TMEM218: variants seen among roughly 807,000 people sequenced by gnomAD.
TMEM218 encodes the protein transmembrane protein 218.
Under a neutral mutation model 10.0 loss-of-function variants are expected in TMEM218, and 8 were observed. The observed-to-expected ratio is 0.80, with a 90% confidence interval of 0.47 to 1.44. TMEM218 has a LOEUF of 1.44. Among genes scored for constraint, TMEM218 ranks in the 40% most tolerant of loss-of-function variants. The pLI is 0.00. For synonymous variants in TMEM218, 66 were observed against 63.5 expected, an observed-to-expected ratio of 1.04 and a Z score of -0.18; for missense variants, 110 against 140.1, an observed-to-expected ratio of 0.79 and a Z score of 1.08.
rs76063540 is a variant in TMEM218, at chr11:125,111,547, C to A, written c.-161G>T. On this transcript the variant is annotated 5_prime_UTR_variant, in exon 1 of 5. Transcript: ENST00000682305. ...CGCCCCGCTTTCCTCACCTCTGCCC[C>A]CTTCACCTGGATCCACTCTCCCCCA... The A allele has an allele frequency of 5.2e-5, 8 of 152,666 alleles. No individual in the cohort carries two copies. The highest frequency in any genetic ancestry group is 1.2e-4 in the African/African-American group (5 of 41,460). The allele number at this position is 152,666 out of a possible 1,614,324, so 9.5% of individuals were successfully genotyped here.
rs943109606 is a variant in TMEM218 at position 125,102,298 on chromosome 11, C to T, written c.-57G>A. The stretch of plus-strand genomic sequence containing the variant: ...TGCGCGCCGCACGATCGAGTGTCCT[C>T]TGTGCTCCAGTGCAACACACTCCCG... On this transcript the variant is annotated 5_prime_UTR_variant, in exon 3 of 5. Coordinates refer to ENST00000682305, the MANE Select transcript of TMEM218 (RefSeq NM_001258244.2). 2.5e-6 allele frequency: 4 copies of T among 1,587,002 alleles called. No homozygotes were observed. Among genetic ancestry groups the T allele is most frequent in the Non-Finnish European group, 2.6e-6 (3 of 1,168,092 alleles).
intron 4 of TMEM218, among the ~76,000 whole-genome samples, chr11:125,099,938 A>G (rs1430282247): frequency 2.7e-5 from 4 of 150,732 alleles, no homozygotes; most frequent in African/African-American, 9.9e-5. Flanking sequence ...AAAAAAAAAA[A>G]AAAAGATAAG....
At chr11:125,100,847 C>T (rs1183367558) in intron 4 of TMEM218, among the ~76,000 whole-genome samples, 1 of 152,180 alleles carries the variant, frequency 6.6e-6, no homozygotes, top group Non-Finnish European at 1.5e-5. Context: ...CACTTCATCT[C>T]GGGTGCAGGC....
chr11:125,111,384 C>T (rs1953969934), intron 1 of TMEM218, among the ~76,000 whole-genome samples, 155 bp downstream of exon 1: 2 of 152,054 alleles, frequency 1.3e-5, no homozygotes, highest in Non-Finnish European at 2.9e-5. Flanking sequence ...TCTCTGCCTC[C>T]AATTAAGTAT....
Position 125,111,575 on chromosome 11 carries a change from C to T in TMEM218, c.-189G>A, listed in dbSNP as rs1954046196. On this transcript the variant is annotated 5_prime_UTR_variant, in exon 1 of 5. Transcript: ENST00000682305. Reference sequence around the variant, plus strand: ...TCACCTGGATCCACTCTCCCCCAGGCTCTACTCACACCTCAGATTCCGGCG... The same window carrying T: ...TCACCTGGATCCACTCTCCCCCAGGTTCTACTCACACCTCAGATTCCGGCG... 5 of 152,688 alleles carry T rather than the reference C, an allele frequency of 3.3e-5. No homozygotes were observed. Among genetic ancestry groups the T allele is most frequent in the Admixed American group, 1.3e-4 (2 of 15,296 alleles). 9.5% of individuals were successfully genotyped at this position (152,688 alleles called of 1,614,324 possible).
chr11:125,107,537 AGAT>A (rs888286922), intron 1 of TMEM218, among the ~76,000 whole-genome samples: 4 of 152,154 alleles, frequency 2.6e-5, no homozygotes, highest in Non-Finnish European at 4.4e-5. Flanking sequence ...ACTATTAAAA[AGAT>A]GATATTATTA....
At position 125,102,298 on chromosome 11, in the gene TMEM218, C is replaced by G. The variant is rs943109606; in HGVS notation, c.-57G>C. The G allele has an allele frequency of 8.8e-6, 14 of 1,586,884 alleles. No individual in the cohort carries two copies. In the African/African-American group the frequency reaches 1.7e-4, roughly 20 times the overall value. The stretch of plus-strand genomic sequence containing the variant: ...TGCGCGCCGCACGATCGAGTGTCCT[C>G]TGTGCTCCAGTGCAACACACTCCCG... On this transcript the variant is annotated 5_prime_UTR_variant, in exon 3 of 5. Coordinates refer to ENST00000682305, the MANE Select transcript of TMEM218 (RefSeq NM_001258244.2).
At position 125,102,233 on chromosome 11, in the gene TMEM218, G is replaced by T; in HGVS notation, c.9C>A (p.Gly3=). 1 of 1,612,916 alleles carries T rather than the reference G, an allele frequency of 6.2e-7. No individual in the cohort carries two copies. Among genetic ancestry groups the T allele is most frequent in the African/African-American group, 1.3e-5 (1 of 74,994 alleles). MA[G]TVLGVGAGVF... ...CGCCCGCACCGACTCCGAGCACAGT[G>T]CCAGCCATCCCGCGGGGAGGCAGCG... Residue 3 remains glycine, a synonymous_variant, in exon 3 of 5, where the codon GGC becomes GGA. Transcript: ENST00000682305.
rs377432538 is a variant in TMEM218 at position 125,101,210 on chromosome 11, C to T, written c.204G>A (p.Val68=). The T allele has an allele frequency of 2.5e-6, 4 of 1,613,280 alleles. No homozygotes were observed. The African/African-American group carries it at 4.0e-5, about 16-fold the overall frequency. ...PRAGEFPAPE[V]EVKIVDDFFI... ...AAAGCAACAGCTTTACCTTAACTTC[C>T]ACTTCTGGGGCTGGGAATTCACCAG... The change falls in exon 4 of 5, where the codon GTG becomes GTA. Residue 68 remains valine, a synonymous_variant. Coordinates refer to ENST00000682305, the MANE Select transcript of TMEM218 (RefSeq NM_001258244.2).
Position 125,108,515 on chromosome 11 carries a change from A to T in TMEM218, c.-153+3024T>A, listed in dbSNP as rs1025795659. ...TACAGTAGTCAGATGCTTGCACCTAAACTTAGAATCACCATGAATGCAAAA... is the reference window on the plus strand; with the variant it reads ...TACAGTAGTCAGATGCTTGCACCTATACTTAGAATCACCATGAATGCAAAA... On this transcript the variant is annotated intron_variant, in intron 1 of 4. Transcript: ENST00000682305. The surrounding 1 kb of genome is among the most constrained non-coding windows in gnomAD (Gnocchi z 5.3). 6.6e-6 allele frequency among the ~76,000 whole-genome samples: 1 copy of T among 152,212 alleles called. No homozygotes were observed. The highest frequency in any genetic ancestry group is 2.4e-5 in the African/African-American group (1 of 41,454).
chr11:125,099,957 G>C (rs1194987863), intron 4 of TMEM218, among the ~76,000 whole-genome samples: 1 of 150,726 alleles, frequency 6.6e-6, no homozygotes, highest in East Asian at 1.9e-4. Flanking sequence ...AGTGAGGTGT[G>C]AATTTGCCCC....
chr11:125,095,535 GAAAT>G lies in TMEM218; in HGVS notation c.*2067_*2070del, dbSNP rs1949539473. 6.6e-6 allele frequency among the ~76,000 whole-genome samples: 1 copy of G among 152,076 alleles called. No individual in the cohort carries two copies. Among genetic ancestry groups the G allele is most frequent in the African/African-American group, 2.4e-5 (1 of 41,416 alleles). On this transcript the variant is annotated 3_prime_UTR_variant, in exon 5 of 5. Transcript: ENST00000682305. ...ACTGCATTGAGTATGCAGGTAGAAAGAAATCTATCATTCATTTCACCACAGCTGG... is the reference window on the plus strand; with the variant it reads ...ACTGCATTGAGTATGCAGGTAGAAAGCTATCATTCATTTCACCACAGCTGG...
rs1341960887 is a variant in TMEM218 at position 125,095,384 on chromosome 11, G to A, written c.*2222C>T. On this transcript the variant is annotated 3_prime_UTR_variant, in exon 5 of 5. Coordinates refer to ENST00000682305, the MANE Select transcript of TMEM218 (RefSeq NM_001258244.2). The stretch of plus-strand genomic sequence containing the variant: ...AGCCCTGTCTCCAAGAAGGCCATGA[G>A]CATACAGGGTACCATAACAGACATT... Among the ~76,000 whole-genome samples the A allele has an allele frequency of 1.3e-5, 2 of 152,202 alleles. No homozygotes were observed. The highest frequency in any genetic ancestry group is 4.1e-4 in the South Asian group (2 of 4,832).
chr11:125,105,343 A>G (rs1404702401), intron 1 of TMEM218, among the ~76,000 whole-genome samples: 1 of 152,148 alleles, frequency 6.6e-6, no homozygotes, highest in Non-Finnish European at 1.5e-5. Flanking sequence ...GGCATGCAAG[A>G]CTCCCTCAAG....
chr11:125,101,370 G>A, intron 3 of TMEM218, 67 bp from the exon 4 acceptor site: 1 of 1,538,918 alleles, frequency 6.5e-7, no homozygotes, highest in Non-Finnish European at 8.8e-7. Flanking sequence ...GTTAGGTCTG[G>A]ACAGTCTCTT....
chr11:125,101,368 T>C lies in TMEM218; in HGVS notation c.111-65A>G, dbSNP rs147152217. The C allele has an allele frequency of 2.0e-4, 311 of 1,543,502 alleles. No individual in the cohort carries two copies. In the East Asian group the frequency reaches 6.0e-3, roughly 30 times the overall value. On this transcript the variant is annotated intron_variant, in intron 3 of 4. Coordinates refer to ENST00000682305, the MANE Select transcript of TMEM218 (RefSeq NM_001258244.2). ...AATTTCTTCTTTGATCAGTTAGGTC[T>C]GGACAGTCTCTTCCTTGGAGCCAAT...
rs1331468798 is a variant in TMEM218, at chr11:125,102,088, C to T, written c.110+44G>A. On this transcript the variant is annotated intron_variant, in intron 3 of 4. Transcript: ENST00000682305. ...TTAGTGAGCATCAGCGATTTTGCCTCTAATTGCTTTACCTAGGACTCCCAG... is the reference window on the plus strand; with the variant it reads ...TTAGTGAGCATCAGCGATTTTGCCTTTAATTGCTTTACCTAGGACTCCCAG... The T allele has an allele frequency of 2.0e-6, 3 of 1,487,194 alleles. 1 individual carries two copies. The allele number at this position is 1,487,194 out of a possible 1,614,324, so 92.1% of individuals were successfully genotyped here.
rs186296789 is a variant in TMEM218 at position 125,108,972 on chromosome 11, C to T, written c.-153+2567G>A. 3.3e-5 allele frequency among the ~76,000 whole-genome samples: 5 copies of T among 152,250 alleles called. No homozygotes were observed. Among genetic ancestry groups the T allele is most frequent in the African/African-American group, 4.8e-5 (2 of 41,546 alleles). The stretch of plus-strand genomic sequence containing the variant: ...TCACAAATTCCAAAACACCCTAAAA[C>T]GGGCAGCAACATCTTCTTGGGGAAC... On this transcript the variant is annotated intron_variant, in intron 1 of 4. Transcript: ENST00000682305. The surrounding 1 kb of genome is among the most constrained non-coding windows in gnomAD (Gnocchi z 5.3).
At chr11:125,104,250 C>A (rs2186890) in intron 1 of TMEM218, 1 of 152,048 alleles carries the variant, frequency 6.6e-6, no homozygotes, top group African/African-American at 2.4e-5. Context: ...GAGCAGTCTG[C>A]CCTCATTAGG....
Sources: gnomAD v4.1 joint callset for allele counts (sites outside exome capture counted in the v4.1 genomes callset) on GRCh38, gnomAD v4.1.1 for gene constraint, Gnocchi (gnomAD v3.1) non-coding constraint, MANE v1.5 for transcripts, NCBI Gene and HGNC (gene_info 2026-07-23, HGNC 2026-07-21) for gene names.